Variants in LRRC56 observed in about 807,000 individuals in gnomAD.
The protein encoded by LRRC56 is leucine rich repeat containing 56, also known as leucine-rich repeat-containing protein 56.
Under a neutral mutation model 47.8 loss-of-function variants are expected in LRRC56, and 41 were observed. The observed-to-expected ratio is 0.86, with a 90% CI of 0.67 to 1.11. LRRC56 has a LOEUF of 1.11. LRRC56 is among the 50% of genes most tolerant of loss of function. The pLI, the probability that LRRC56 is intolerant of heterozygous loss-of-function variation, is 0.00. For synonymous variants in LRRC56, 387 were observed against 311.2 expected (o/e 1.24, Z -2.56); for missense variants, 759 against 704.2 (o/e 1.08, Z -0.88).
chr11:531,526 G>A, the LRRC56 span, among the ~76,000 whole-genome samples: 3 of 152,182 alleles, frequency 2.0e-5, no homozygotes, highest in African/African-American at 4.8e-5. Context: ...TACCCAGCAA[G>A]GCTGAGCCAG....
At position 541,667 on chromosome 11, in the gene LRRC56, G is replaced by A. The variant is rs79328101; in HGVS notation, c.265+43G>A. ...CCGCCATGGCCACGGCCACGGCCAC[G>A]CCTCCCTGTAAACAACACACGTTTC... On this transcript the variant is annotated intron_variant, in intron 5 of 13. Coordinates refer to ENST00000270115, the MANE Select transcript of LRRC56 (RefSeq NM_198075.4). This position sits in a 1 kb window ranked among gnomAD's most constrained non-coding sequence, Gnocchi z 4.1. The A allele has an allele frequency of 1.7e-3, 2,176 of 1,251,428 alleles. 60 individuals carry two copies. The East Asian group carries it at 0.046, about 26-fold the overall frequency. The allele number at this position is 1,251,428 out of a possible 1,614,324, so 77.5% of individuals were successfully genotyped here.
In LRRC56 at chr11:554,111, C is replaced by T; in HGVS notation, c.1464C>T (p.Gly488=). The change falls in exon 14 of 14, where the codon GGC becomes GGT. Residue 488 remains glycine, a synonymous_variant. Transcript: ENST00000270115. ...RLRVLGSWGP[G]LGDGVAAVPV... The stretch of plus-strand genomic sequence containing the variant: ...GAGTCCTGGGCAGCTGGGGGCCTGG[C>T]CTGGGTGATGGGGTGGCTGCAGTGC... The T allele has an allele frequency of 6.2e-7, 1 of 1,605,798 alleles. No individual in the cohort carries two copies. The highest frequency in any genetic ancestry group is 8.5e-7 in the Non-Finnish European group (1 of 1,177,986).
chr11:552,326 G>A, intron 12 of LRRC56, 94 bp downstream of exon 12: 1 of 1,506,032 alleles, frequency 6.6e-7, no homozygotes, highest in Non-Finnish European at 9.0e-7. Flanking sequence ...CCAGTCCCAA[G>A]GCTCGTGGAC....
At chr11:528,027 G>A in the LRRC56 span, among the ~76,000 whole-genome samples, 3 of 151,800 alleles carry the variant, frequency 2.0e-5, no homozygotes, top group Non-Finnish European at 4.4e-5. Flanking sequence ...ATAGAAACAG[G>A]GTTTCACCGT....
chr11:512,380 C>T, the LRRC56 span, among the ~76,000 whole-genome samples: 5 of 152,176 alleles, frequency 3.3e-5, no homozygotes, highest in African/African-American at 9.6e-5. Flanking sequence ...ATCACAGGTG[C>T]CCGCCACCAC....
rs750350717 is a variant in LRRC56 at position 541,507 on chromosome 11, C to G, written c.178-30C>G. ...GGAACTAAAGTGGGGAGAGCCAGGA[C>G]CAGCGCTGACCCCCGGTTGGTTTCT... On this transcript the variant is annotated intron_variant, in intron 4 of 13. Transcript: ENST00000270115. The surrounding 1 kb of genome is among the most constrained non-coding windows in gnomAD (Gnocchi z 4.1). The G allele has an allele frequency of 1.5e-6, 2 of 1,376,864 alleles. No homozygotes were observed. The highest frequency in any genetic ancestry group is 4.5e-5 in the Admixed American group (2 of 44,694). 85.3% of individuals were successfully genotyped at this position (1,376,864 alleles called of 1,614,324 possible).
In LRRC56 at chr11:549,320, G is replaced by A. The variant is rs73401702; in HGVS notation, c.327-582G>A. ...TCCCAGCCGAGAGGGGCAGGTGCAGGGTCCCTGGGGACAGCGCATGGTGAA... is the reference window on the plus strand; with the variant it reads ...TCCCAGCCGAGAGGGGCAGGTGCAGAGTCCCTGGGGACAGCGCATGGTGAA... On this transcript the variant is annotated intron_variant, in intron 6 of 13. Coordinates refer to ENST00000270115, the MANE Select transcript of LRRC56 (RefSeq NM_198075.4). 8.6e-3 allele frequency among the ~76,000 whole-genome samples: 1,305 copies of A among 152,240 alleles called. 16 individuals carry two copies. The highest frequency in any genetic ancestry group is 0.03 in the African/African-American group (1,245 of 41,530).
chr11:508,392 C>G, the LRRC56 span, among the ~76,000 whole-genome samples: 2 of 152,246 alleles, frequency 1.3e-5, no homozygotes, highest in African/African-American at 2.4e-5. Flanking sequence ...GAATTGGGCT[C>G]AAGTGATCCT....
At chr11:532,786 C>T (rs765461670), upstream of LRRC56, 1 of 1,608,902 alleles carries the variant, frequency 6.2e-7, no homozygotes, top group Non-Finnish European at 8.5e-7. Flanking sequence ...TCAGGAGGGA[C>T]CGGCCTGTGG....
the LRRC56 span, among the ~76,000 whole-genome samples, chr11:525,277 C>T: frequency 7.3e-5 from 11 of 150,166 alleles, no homozygotes; most frequent in Admixed American, 2.0e-4. Flanking sequence ...CGGTGGCTCA[C>T]GCCTGTAATC....
the LRRC56 span, among the ~76,000 whole-genome samples, chr11:513,690 T>C: frequency 6.6e-6 from 1 of 151,924 alleles, no homozygotes; most frequent in Non-Finnish European, 1.5e-5. Context: ...GCCAGCTTTA[T>C]TGTTGTCTTA....
chr11:532,867 C>A (rs1851192353), upstream of LRRC56: 12 of 1,059,456 alleles, frequency 1.1e-5, no homozygotes, highest in Non-Finnish European at 1.7e-5. Context: ...CCGACTCCAC[C>A]AGCCACTTCC....
chr11:533,664 T>C (rs143771550), upstream of LRRC56: 1 of 1,612,704 alleles, frequency 6.2e-7, no homozygotes, highest in African/African-American at 1.3e-5. Flanking sequence ...CGCAGCGGCA[T>C]CCAGGACATG....
chr11:534,147 T>C, upstream of LRRC56: 1 of 1,352,600 alleles, frequency 7.4e-7, no homozygotes, highest in South Asian at 1.2e-5. Context: ...GCCAGCCCTA[T>C]CCTGGCTGTG....
At chr11:551,859 G>T in intron 10 of LRRC56, 32 bp downstream of exon 10, 1 of 1,609,602 alleles carries the variant, frequency 6.2e-7, no homozygotes, top group South Asian at 1.1e-5. Context: ...TGACCCTGCA[G>T]CCCCTCGGCC....
In LRRC56 at chr11:554,546, G is replaced by A; in HGVS notation, c.*270G>A. ...TTCCTTAGGGCCAGGCTTTCCCGCGGGCACGGGGGTGGGGGGTGGTCACCC... is the reference window on the plus strand; with the variant it reads ...TTCCTTAGGGCCAGGCTTTCCCGCGAGCACGGGGGTGGGGGGTGGTCACCC... On this transcript the variant is annotated 3_prime_UTR_variant, in exon 14 of 14. Transcript: ENST00000270115. 1 of 419,398 alleles carries A rather than the reference G, an allele frequency of 2.4e-6. No homozygotes were observed. The highest frequency in any genetic ancestry group is 4.2e-6 in the Non-Finnish European group (1 of 237,750). 26.0% of individuals were successfully genotyped at this position (419,398 alleles called of 1,614,324 possible). A position where few individuals can be genotyped will look rare whatever the true frequency, so the allele number is the denominator to read the frequency against.
upstream of LRRC56, among the ~76,000 whole-genome samples, chr11:535,755 T>C (rs1013739109): frequency 6.6e-6 from 1 of 151,634 alleles, no homozygotes; most frequent in Non-Finnish European, 1.5e-5. Context: ...CCTCTCGGGG[T>C]TGGGCTTGGC....
chr11:525,373 A>G, the LRRC56 span, among the ~76,000 whole-genome samples: 2 of 152,068 alleles, frequency 1.3e-5, no homozygotes, highest in East Asian at 2.0e-4. Context: ...CCCCATCTCT[A>G]CTAAAAACAC....
chr11:536,284 A>G (rs45473693), upstream of LRRC56, among the ~76,000 whole-genome samples: 14,568 of 152,192 alleles, frequency 0.096, 854 homozygotes, highest in South Asian at 0.18. Flanking sequence ...AGTCCCCCCA[A>G]ACTTGAGGTT....
Sources: allele counts gnomAD v4.1 joint callset (sites outside exome capture counted in the v4.1 genomes callset), GRCh38; gene constraint gnomAD v4.1.1; non-coding constraint Gnocchi (gnomAD v3.1); transcripts MANE v1.5; gene names NCBI Gene and HGNC (gene_info 2026-07-23, HGNC 2026-07-21).